PKD1L1: variants seen among roughly 807,000 people sequenced by gnomAD.
PKD1L1 encodes polycystin-1-like protein 1.
In PKD1L1, 236 loss-of-function variants were observed where a neutral mutation model predicts 323.4. The ratio of observed to expected loss-of-function variants is 0.73; its 90% confidence interval spans 0.66 to 0.81. PKD1L1 has a LOEUF of 0.81. PKD1L1 is among the 40% of genes least tolerant of loss of function. The probability of loss-of-function intolerance (pLI) is 0.00; values close to 1 mark genes in which losing one functional copy is unlikely to be tolerated. For synonymous variants in PKD1L1, 1,344 were observed against 1,335.0 expected, an observed-to-expected ratio of 1.01 and a Z score of -0.15; for missense variants, 3,320 against 3,508.0, an observed-to-expected ratio of 0.95 and a Z score of 1.35.
rs183800469 is a variant in PKD1L1, at chr7:47,931,302, G to A, written c.539C>T (p.Ala180Val). 1.5e-5 allele frequency: 25 copies of A among 1,614,232 alleles called. No individual in the cohort carries two copies. The Admixed American group carries it at 4.0e-4, about 26-fold the overall frequency. ...CATCTTCAGGCTGCAGGGAGCTGCTGCAGAAGTGGTGCCCTGGAGCTTAAA... is the reference window on the plus strand; with the variant it reads ...CATCTTCAGGCTGCAGGGAGCTGCTACAGAAGTGGTGCCCTGGAGCTTAAA... Reference protein sequence around the residue: ...ALLQLQGTTSAAAPCSLKMEA... With the variant: ...ALLQLQGTTSVAAPCSLKMEA... The change falls in exon 6 of 57, where the codon GCA (alanine) becomes GTA (valine). Residue 180 changes from alanine to valine, a missense_variant. By Grantham distance (64) the Ala-to-Val change is moderately conservative. Coordinates refer to ENST00000289672, the MANE Select transcript of PKD1L1 (RefSeq NM_138295.5).
chr7:47,813,757 G>C (rs1413000585), intron 48 of PKD1L1, among the ~76,000 whole-genome samples, 174 bp downstream of exon 48: 1 of 152,220 alleles, frequency 6.6e-6, no homozygotes, highest in East Asian at 1.9e-4. Context: ...TGTTCATAAA[G>C]GGGAAGGAAG....
At chr7:47,835,673 T>C (rs985383744) in intron 37 of PKD1L1, among the ~76,000 whole-genome samples, 4 of 152,152 alleles carry the variant, frequency 2.6e-5, no homozygotes, top group African/African-American at 9.7e-5. Context: ...AGTGCTGGGA[T>C]TACAGGCGTG....
chr7:47,873,831 G>C (rs1786339916), intron 24 of PKD1L1, 68 bp downstream of exon 24: 5 of 1,225,592 alleles, frequency 4.1e-6, no homozygotes, highest in Non-Finnish European at 4.7e-6. Context: ...TAACAACTTG[G>C]GGGAGAGCCA....
intron 46 of PKD1L1, among the ~76,000 whole-genome samples, chr7:47,817,175 G>A (rs141997481): frequency 6.6e-6 from 1 of 152,276 alleles, no homozygotes; most frequent in East Asian, 1.9e-4. Context: ...AGGTTGCAGT[G>A]AGTAAAGATC....
rs1357062004 is a variant in PKD1L1, at chr7:47,886,216, G to A, written c.2837-162C>T. Among the ~76,000 whole-genome samples the A allele has an allele frequency of 6.6e-5, 10 of 152,272 alleles. No homozygotes were observed. The South Asian group carries it at 1.5e-3, about 22-fold the overall frequency. The stretch of plus-strand genomic sequence containing the variant: ...ACAGGGCAGAGAGTGTGGTGTTGGC[G>A]TGTTCTGTGTTGGCATGTTGGCCAA... On this transcript the variant is annotated intron_variant, in intron 17 of 56. Transcript: ENST00000289672.
At chr7:47,781,348 C>T (rs1786687119) in intron 56 of PKD1L1, among the ~76,000 whole-genome samples, 1 of 151,488 alleles carries the variant, frequency 6.6e-6, no homozygotes, top group Non-Finnish European at 1.5e-5. Context: ...TGTGGATTGT[C>T]CTTCCATCCT....
At position 47,857,655 on chromosome 7, in the gene PKD1L1, G is replaced by A; in HGVS notation, c.4540C>T (p.Leu1514Phe). 6.2e-7 allele frequency: 1 copy of A among 1,614,228 alleles called. No individual in the cohort carries two copies. Among genetic ancestry groups the A allele is most frequent in the African/African-American group, 1.3e-5 (1 of 75,056 alleles). Residue 1514 changes from leucine (L) to phenylalanine (F), a missense_variant, in exon 28 of 57, where the codon CTC becomes TTC. Coordinates refer to ENST00000289672, the MANE Select transcript of PKD1L1 (RefSeq NM_138295.5). ...TATGGGTTCTTCTTGAAGAGTATGAGCTGGCTAATGTAGCATGGGCTCTGT... is the reference window on the plus strand; with the variant it reads ...TATGGGTTCTTCTTGAAGAGTATGAACTGGCTAATGTAGCATGGGCTCTGT... The part of the protein sequence containing the change: ...ETQSPCYISQ[L>F]ILFKKNPYPG...
At chr7:47,853,804 A>C (rs1467689856) in intron 30 of PKD1L1, among the ~76,000 whole-genome samples, 1 of 151,448 alleles carries the variant, frequency 6.6e-6, no homozygotes, top group East Asian at 1.9e-4. Context: ...CCAAACAAAC[A>C]CTTCAGTAGC....
intron 8 of PKD1L1, among the ~76,000 whole-genome samples, chr7:47,914,994 C>T (rs17131937): frequency 0.016 from 2,376 of 152,298 alleles, 69 homozygotes; most frequent in African/African-American, 0.054. Context: ...AAAGTTAAAA[C>T]AGCAGAGAAA....
chr7:47,833,618 G>T (rs73331746), intron 40 of PKD1L1, among the ~76,000 whole-genome samples: 2,278 of 152,256 alleles, frequency 0.015, 67 homozygotes, highest in African/African-American at 0.052. Context: ...GCTCCGGCAT[G>T]GTGTTTGGGG....
intron 8 of PKD1L1, among the ~76,000 whole-genome samples, chr7:47,911,924 T>A (rs1787330197): frequency 1.6e-5 from 2 of 125,332 alleles, no homozygotes; most frequent in Admixed American, 9.1e-5. Flanking sequence ...AGTAATGCTG[T>A]GAAGAAAAAA....
the PKD1L1 span, among the ~76,000 whole-genome samples, chr7:47,959,722 A>C: frequency 7.2e-6 from 1 of 139,346 alleles, no homozygotes; most frequent in Non-Finnish European, 1.6e-5. Flanking sequence ...CCGCCCAGCC[A>C]GCCGCCCCGT....
upstream of PKD1L1, among the ~76,000 whole-genome samples, chr7:47,951,500 A>G (rs566615425): frequency 6.6e-6 from 1 of 152,208 alleles, no homozygotes; most frequent in Non-Finnish European, 1.5e-5. Flanking sequence ...TAGTATGCAC[A>G]TAGTTCAGAA....
Position 47,866,445 on chromosome 7 carries a change from C to T in PKD1L1, c.4066G>A (p.Val1356Ile). Residue 1356 changes from valine to isoleucine, a missense_variant, in exon 25 of 57, where the codon GTA becomes ATA. By Grantham distance (29) the Val-to-Ile change is conservative. Transcript: ENST00000289672. Reference sequence around the variant, plus strand: ...TGATCTACAAAAGCCAATCTGCATACTGAAGAAATTAATGCATCCTGTATT... The same window carrying T: ...TGATCTACAAAAGCCAATCTGCATATTGAAGAAATTAATGCATCCTGTATT... ...SRIQDALISS[V>I]CRLAFVDQEE... 6.2e-7 allele frequency: 1 copy of T among 1,613,666 alleles called. No individual in the cohort carries two copies. The highest frequency in any genetic ancestry group is 8.5e-7 in the Non-Finnish European group (1 of 1,179,842).
chr7:47,811,949 G>A lies in PKD1L1; in HGVS notation c.7449C>T (p.Thr2483=). ...SVHFTLYNPP[T]QLFTSVSLRV... is the part of the protein sequence containing the mutation. ...TCAGGGACACGCTGGTGAAGAGTTG[G>A]GTTGGAGGGTTATAGAGAGTGAAGT... Residue 2483 remains threonine, a synonymous_variant, in exon 50 of 57, where the codon ACC becomes ACT. Transcript: ENST00000289672. The A allele has an allele frequency of 6.2e-7, 1 of 1,604,078 alleles. No homozygotes were observed. The highest frequency in any genetic ancestry group is 8.5e-7 in the Non-Finnish European group (1 of 1,175,428).
At position 47,791,462 on chromosome 7, in the gene PKD1L1, A is replaced by AT. The variant is rs10590668; in HGVS notation, c.8526+1164dup. Among the ~76,000 whole-genome samples, 116 of 145,660 alleles carry AT rather than the reference A, an allele frequency of 8.0e-4. 1 individual carries two copies. The highest frequency in any genetic ancestry group is 2.5e-3 in the African/African-American group (98 of 39,540). On this transcript the variant is annotated intron_variant, in intron 56 of 56. Transcript: ENST00000289672. Reference sequence around the variant, plus strand: ...CTTCAAACTGTCATTTCAAAGAGACATTTTTTTTTTTTTTTCATTAACTTA... The same window carrying AT: ...CTTCAAACTGTCATTTCAAAGAGACATTTTTTTTTTTTTTTTCATTAACTTA...
At chr7:47,954,838 G>C in the PKD1L1 span, among the ~76,000 whole-genome samples, 1 of 152,196 alleles carries the variant, frequency 6.6e-6, no homozygotes, top group Non-Finnish European at 1.5e-5. Flanking sequence ...ACGCTGGAAA[G>C]AGCCAAAATC....
chr7:47,835,411 G>T (rs1256732216), intron 37 of PKD1L1, among the ~76,000 whole-genome samples, 168 bp from the exon 38 acceptor site: 1 of 152,138 alleles, frequency 6.6e-6, no homozygotes. Flanking sequence ...TTGATTGATT[G>T]ATTGATTGAG....
intron 37 of PKD1L1, among the ~76,000 whole-genome samples, 180 bp from the exon 38 acceptor site, chr7:47,835,423 T>C (rs897209492): frequency 7.2e-5 from 11 of 152,216 alleles, no homozygotes; most frequent in African/African-American, 2.7e-4. Context: ...TTGATTGAGA[T>C]GGAGTCTTTC....
Sources: gnomAD v4.1 joint callset for allele counts (sites outside exome capture counted in the v4.1 genomes callset) on GRCh38, gnomAD v4.1.1 for gene constraint, MANE v1.5 for transcripts, NCBI Gene and HGNC (gene_info 2026-07-23, HGNC 2026-07-21) for gene names.